TPTE2: variants seen among roughly 807,000 people sequenced by gnomAD.
TPTE2 encodes phosphatidylinositol 3,4,5-trisphosphate 3-phosphatase TPTE2.
Under a neutral mutation model 78.6 loss-of-function variants are expected in TPTE2, and 53 were observed. The ratio of observed to expected loss-of-function variants is 0.67; its 90% CI spans 0.54 to 0.85. TPTE2 has a LOEUF of 0.85. Among genes scored for constraint, TPTE2 ranks in the 40% least tolerant of loss-of-function variants. The pLI, the probability that TPTE2 is intolerant of heterozygous loss-of-function variation, is 0.00. For missense variants in TPTE2, 461 were observed against 623.0 expected, an observed-to-expected ratio of 0.74 and a Z score of 2.77; for synonymous variants, 175 against 206.2, an observed-to-expected ratio of 0.85 and a Z score of 1.30.
the TPTE2 span, among the ~76,000 whole-genome samples, chr13:19,555,666 T>C: frequency 6.6e-6 from 1 of 152,160 alleles, no homozygotes; most frequent in Non-Finnish European, 1.5e-5. Flanking sequence ...CTTCAATGCT[T>C]CCTTGCCAAC....
At chr13:19,502,591 T>G (rs2137672311) in intron 1 of TPTE2, among the ~76,000 whole-genome samples, 1 of 138,882 alleles carries the variant, frequency 7.2e-6, no homozygotes, top group Non-Finnish European at 1.5e-5. Flanking sequence ...AGGTGGGAAT[T>G]GAACAATGAG....
intron 1 of TPTE2, among the ~76,000 whole-genome samples, chr13:19,514,394 A>G (rs1192534787): frequency 6.6e-6 from 1 of 152,204 alleles, no homozygotes; most frequent in Admixed American, 6.5e-5. Context: ...TAGTTGTCAG[A>G]GCATATAGTA....
At chr13:19,437,904 A>G (rs1258180022) in intron 14 of TPTE2, among the ~76,000 whole-genome samples, 188 bp downstream of exon 17, 7 of 152,298 alleles carry the variant, frequency 4.6e-5, no homozygotes, top group African/African-American at 9.6e-5. Flanking sequence ...GAGATTCTGC[A>G]GTCAGCTACT....
intron 6 of TPTE2, among the ~76,000 whole-genome samples, chr13:19,471,622 T>C (rs1387761501): frequency 6.6e-6 from 1 of 151,710 alleles, no homozygotes; most frequent in African/African-American, 2.4e-5. Context: ...TATCTTATTA[T>C]ACCATCTATG....
At chr13:19,543,720 CAT>C in the TPTE2 span, among the ~76,000 whole-genome samples, 701 of 151,916 alleles carry the variant, frequency 4.6e-3, 6 homozygotes, top group South Asian at 0.026. Flanking sequence ...TATTTTTAAA[CAT>C]ATAAATGAAA....
intron 14 of TPTE2, among the ~76,000 whole-genome samples, chr13:19,436,726 T>A (rs1366373892): frequency 1.3e-5 from 2 of 152,130 alleles, no homozygotes; most frequent in Non-Finnish European, 2.9e-5. Context: ...ACAGTGATCT[T>A]TGGGCAGAGG....
intron 5 of TPTE2, 137 bp from the exon 9 acceptor site, chr13:19,474,212 C>T: frequency 1.1e-6 from 1 of 904,744 alleles, no homozygotes; most frequent in Non-Finnish European, 1.5e-6. Context: ...TATTAAGCTG[C>T]CCAGTGGCAG....
chr13:19,545,697 C>A, the TPTE2 span, among the ~76,000 whole-genome samples: 3 of 152,312 alleles, frequency 2.0e-5, no homozygotes, highest in South Asian at 6.2e-4. Flanking sequence ...CAGTGGTTAA[C>A]TAGTCCCGTC....
In TPTE2 at chr13:19,432,330, T is replaced by G. The variant is rs201721756; in HGVS notation, c.1222+143A>C. 5.0e-3 allele frequency: 394 copies of G among 79,536 alleles called. 14 individuals carry two copies. Among genetic ancestry groups the G allele is most frequent in the Admixed American group, 0.025 (64 of 2,592 alleles). The allele number at this position is 79,536 out of a possible 1,614,324, so 4.9% of individuals were successfully genotyped here. On this transcript the variant is annotated intron_variant, in intron 16 of 19. Transcript: ENST00000400230. ...GCAATTGCAGGAGGAGCGGCATAAATAAGGAGGAGTTCCTGTGTGAGGATA... is the reference window on the plus strand; with the variant it reads ...GCAATTGCAGGAGGAGCGGCATAAAGAAGGAGGAGTTCCTGTGTGAGGATA...
At chr13:19,463,274 C>T (rs1197348865) in intron 10 of TPTE2, among the ~76,000 whole-genome samples, 1 of 152,164 alleles carries the variant, frequency 6.6e-6, no homozygotes, top group African/African-American at 2.4e-5. Flanking sequence ...AACCACTGCA[C>T]CTGGACTCTT....
At chr13:19,496,738 C>G (rs1440024015) in intron 1 of TPTE2, among the ~76,000 whole-genome samples, 3 of 152,210 alleles carry the variant, frequency 2.0e-5, no homozygotes, top group Admixed American at 6.5e-5. Flanking sequence ...CAATCTGGTA[C>G]GCTCTCAAAC....
chr13:19,496,801 G>A (rs1424266109), intron 1 of TPTE2, among the ~76,000 whole-genome samples: 4 of 152,192 alleles, frequency 2.6e-5, no homozygotes, highest in Admixed American at 2.6e-4. Context: ...GAGGAGCCAA[G>A]ATGGCCGAAC....
At chr13:19,454,632 A>C (rs1274623156) in intron 10 of TPTE2, among the ~76,000 whole-genome samples, 1 of 152,226 alleles carries the variant, frequency 6.6e-6, no homozygotes, top group African/African-American at 2.4e-5. Context: ...CTCTGATTAA[A>C]AATGGTTAAG....
chr13:19,478,218 C>A (rs969671760), intron 4 of TPTE2, among the ~76,000 whole-genome samples: 5 of 152,100 alleles, frequency 3.3e-5, no homozygotes, highest in Admixed American at 2.6e-4. Context: ...TCAGAGTGAA[C>A]AGGCAACCTA....
chr13:19,561,128 G>A, the TPTE2 span: 904 of 1,604,642 alleles, frequency 5.6e-4, 8 homozygotes, highest in Non-Finnish European at 2.3e-4. Context: ...GAGGCAGTGG[G>A]TGGGAGCTGG....
upstream of TPTE2, among the ~76,000 whole-genome samples, chr13:19,541,465 G>C (rs1014838788): frequency 6.6e-6 from 1 of 152,052 alleles, no homozygotes; most frequent in Non-Finnish European, 1.5e-5. Context: ...TACTGCATAG[G>C]CTAGGCCCCC....
At chr13:19,523,186 G>C (rs1211627532) in intron 1 of TPTE2, among the ~76,000 whole-genome samples, 1 of 152,120 alleles carries the variant, frequency 6.6e-6, no homozygotes, top group Non-Finnish European at 1.5e-5. Context: ...TGGCTCCCAG[G>C]AGCTTGTTTT....
chr13:19,433,736 G>A (rs561904716), intron 15 of TPTE2, among the ~76,000 whole-genome samples: 1 of 152,294 alleles, frequency 6.6e-6, no homozygotes, highest in Admixed American at 6.5e-5. Context: ...GACATAGAGG[G>A]CACTCTGTCC....
At chr13:19,442,633 T>C (rs1019682829) in intron 13 of TPTE2, among the ~76,000 whole-genome samples, 1 of 151,850 alleles carries the variant, frequency 6.6e-6, no homozygotes, top group Non-Finnish European at 1.5e-5. Context: ...TTGGTTCTTT[T>C]AAAAGACTAG....
Sources: gnomAD v4.1 joint callset for allele counts (sites outside exome capture counted in the v4.1 genomes callset) on GRCh38, gnomAD v4.1.1 for gene constraint, MANE v1.5 for transcripts, NCBI Gene and HGNC (gene_info 2026-07-23, HGNC 2026-07-21) for gene names.